TMPRSS4: variants seen among roughly 807,000 people sequenced by gnomAD.
The protein encoded by TMPRSS4 is transmembrane serine protease 4.
Under a neutral mutation model 56.4 loss-of-function variants are expected in TMPRSS4, and 45 were observed. The observed-to-expected ratio is 0.80, with a 90% CI of 0.63 to 1.02. TMPRSS4 has a LOEUF of 1.02. TMPRSS4 is among the 50% of genes least tolerant of loss of function. The pLI, the probability that TMPRSS4 is intolerant of heterozygous loss-of-function variation, is 0.00. For synonymous variants in TMPRSS4, 205 were observed against 211.0 expected (o/e 0.97, Z 0.25); for missense variants, 546 against 556.7 (o/e 0.98, Z 0.19).
intron 9 of TMPRSS4, 39 bp downstream of exon 9, chr11:118,113,474 T>A (rs760402832): frequency 1.2e-6 from 2 of 1,604,600 alleles, no homozygotes; most frequent in Admixed American, 3.4e-5. Context: ...GCCTCTTACA[T>A]CAGTTTTCAC....
intron 1 of TMPRSS4, among the ~76,000 whole-genome samples, chr11:118,078,112 A>G (rs1944833331): frequency 6.7e-6 from 1 of 150,232 alleles, no homozygotes; most frequent in African/African-American, 2.4e-5. Context: ...GTCATCTTTT[A>G]CTTGGTCTCT....
downstream of TMPRSS4, among the ~76,000 whole-genome samples, chr11:118,123,119 T>C (rs1317355458): frequency 6.6e-6 from 1 of 152,030 alleles, no homozygotes; most frequent in African/African-American, 2.4e-5. Flanking sequence ...GCAGCATGAA[T>C]GGACTAAGAC....
At chr11:118,106,160 T>C (rs1379097036) in intron 5 of TMPRSS4, 2 of 152,224 alleles carry the variant, frequency 1.3e-5, no homozygotes, top group Non-Finnish European at 2.9e-5. Context: ...CACAGCAGGC[T>C]GAGCCTTGAT....
intron 2 of TMPRSS4, among the ~76,000 whole-genome samples, chr11:118,096,612 C>T (rs1946303475): frequency 6.6e-6 from 1 of 151,824 alleles, no homozygotes; most frequent in Non-Finnish European, 1.5e-5. Flanking sequence ...ATGGCAAAAC[C>T]CCATCTCTAC....
At chr11:118,089,885 C>G (rs1304878751) in intron 1 of TMPRSS4, among the ~76,000 whole-genome samples, 1 of 152,112 alleles carries the variant, frequency 6.6e-6, no homozygotes, top group African/African-American at 2.4e-5. Flanking sequence ...GTTGCTCTGT[C>G]CCCCAGGCTG....
In TMPRSS4 at chr11:118,115,246, C is replaced by T. The variant is rs751289713; in HGVS notation, c.1118C>T (p.Ala373Val). The T allele has an allele frequency of 1.2e-6, 2 of 1,612,792 alleles. No homozygotes were observed. The highest frequency in any genetic ancestry group is 1.7e-6 in the Non-Finnish European group (2 of 1,179,862). ...QGEVTEKMMC[A>V]GIPEGGVDTC... ...GAAGTCACCGAGAAGATGATGTGTGCAGGCATCCCGGAAGGGGGTGTGGAC... is the reference window on the plus strand; with the variant it reads ...GAAGTCACCGAGAAGATGATGTGTGTAGGCATCCCGGAAGGGGGTGTGGAC... Residue 373 changes from alanine (A) to valine (V), a missense_variant, in exon 11 of 13, where the codon GCA becomes GTA. By Grantham distance (64) the Ala-to-Val change is moderately conservative. Transcript: ENST00000437212.
chr11:118,107,334 T>C (rs1947043983), intron 5 of TMPRSS4: 1 of 154,088 alleles, frequency 6.5e-6, no homozygotes, highest in African/African-American at 2.4e-5. Context: ...GATGCTTTGT[T>C]TGGAGAACGA....
intron 2 of TMPRSS4, among the ~76,000 whole-genome samples, chr11:118,097,766 T>C (rs1591377352): frequency 6.6e-6 from 1 of 152,122 alleles, no homozygotes; most frequent in Non-Finnish European, 1.5e-5. Flanking sequence ...TGATGAAAGA[T>C]CCATCTTTCT....
At chr11:118,113,165 CA>C in intron 8 of TMPRSS4, 103 bp from the exon 9 acceptor site, 2 of 1,142,254 alleles carry the variant, frequency 1.8e-6, no homozygotes, top group Non-Finnish European at 2.5e-6. Flanking sequence ...CCTCCCAAGG[CA>C]GTGACATCCA....
At chr11:118,094,762 T>C in intron 1 of TMPRSS4, 54 bp from the exon 2 acceptor site, 1 of 1,549,406 alleles carries the variant, frequency 6.5e-7, no homozygotes, top group Non-Finnish European at 8.8e-7. Flanking sequence ...CGTAGGCTGC[T>C]AGCCCCAGCC....
chr11:118,099,497 G>C (rs1024385268), intron 3 of TMPRSS4, among the ~76,000 whole-genome samples: 5 of 151,786 alleles, frequency 3.3e-5, no homozygotes, highest in African/African-American at 1.2e-4. Flanking sequence ...AAGAAAGAAA[G>C]AAAGACATGT....
chr11:118,099,014 C>A lies in TMPRSS4; in HGVS notation c.73C>A (p.Pro25Thr). The change falls in exon 3 of 13, where the codon CCC becomes ACC. Residue 25 changes from proline to threonine, a missense_variant. By Grantham distance (38) the Pro-to-Thr change is conservative. Transcript: ENST00000437212. ...DVKPLRKPRI[P>T]METFRKVGIP... ...CAAACCCCTGCGCAAACCCCGTATC[C>A]CCATGGAGACCTTCAGAAAGGTGGG... 1 of 1,613,880 alleles carries A rather than the reference C, an allele frequency of 6.2e-7. No homozygotes were observed. Among genetic ancestry groups the A allele is most frequent in the African/African-American group, 1.3e-5 (1 of 74,962 alleles).
chr11:118,084,278 G>A (rs925734074), intron 1 of TMPRSS4, among the ~76,000 whole-genome samples: 3 of 152,124 alleles, frequency 2.0e-5, no homozygotes, highest in African/African-American at 7.2e-5. Flanking sequence ...CCTGTGCTCT[G>A]TGCACTGTAA....
chr11:118,111,415 T>G (rs750667517), intron 7 of TMPRSS4, among the ~76,000 whole-genome samples: 77 of 152,252 alleles, frequency 5.1e-4, no homozygotes, highest in Non-Finnish European at 4.9e-4. Context: ...GGCAGGGCTT[T>G]CGTAATTCTG....
chr11:118,079,553 G>C (rs1402371441), intron 1 of TMPRSS4, among the ~76,000 whole-genome samples: 2 of 152,188 alleles, frequency 1.3e-5, no homozygotes, highest in Non-Finnish European at 1.5e-5. Context: ...CCCTGGGACT[G>C]GTTATCCTGG....
At chr11:118,123,049 C>G (rs1947824791), downstream of TMPRSS4, among the ~76,000 whole-genome samples, 1 of 152,152 alleles carries the variant, frequency 6.6e-6, no homozygotes, top group Non-Finnish European at 1.5e-5. Context: ...CTCCCAGTCT[C>G]CAGAACTGTG....
At chr11:118,102,896 G>A (rs1257743708) in intron 3 of TMPRSS4, 2 of 605,838 alleles carry the variant, frequency 3.3e-6, no homozygotes, top group Non-Finnish European at 5.8e-6. Context: ...TCTTGTGGGG[G>A]TGGGGCCGGT....
At chr11:118,083,804 C>T (rs1206553112) in intron 1 of TMPRSS4, among the ~76,000 whole-genome samples, 2 of 151,944 alleles carry the variant, frequency 1.3e-5, no homozygotes, top group South Asian at 2.1e-4. Flanking sequence ...ACCTGTAATC[C>T]CGCTTTGGGA....
intron 3 of TMPRSS4, 93 bp from the exon 4 acceptor site, chr11:118,103,006 CTG>C: frequency 6.6e-7 from 1 of 1,512,868 alleles, no homozygotes; most frequent in Middle Eastern, 1.7e-4. Context: ...ACATGCGTGT[CTG>C]AGAGCCCAGC....
Sources: allele counts gnomAD v4.1 joint callset (sites outside exome capture counted in the v4.1 genomes callset), GRCh38; gene constraint gnomAD v4.1.1; transcripts MANE v1.5; gene names NCBI Gene and HGNC (gene_info 2026-07-23, HGNC 2026-07-21).